Variants in FSTL5 observed in about 807,000 individuals in gnomAD.
FSTL5 encodes follistatin-related protein 5.
A neutral mutation model predicts 89.1 loss-of-function variants in FSTL5; 62 were observed. The observed-to-expected ratio is 0.70, with a 90% CI of 0.57 to 0.86. The LOEUF (loss-of-function observed/expected upper bound fraction) is 0.86. FSTL5 is among the 40% of genes least tolerant of loss of function. The pLI is 0.00. For synonymous variants in FSTL5, 383 were observed against 346.2 expected, an observed-to-expected ratio of 1.11 and a Z score of -1.18; for missense variants, 1,057 against 1,001.6, an observed-to-expected ratio of 1.06 and a Z score of -0.75.
chr4:161,682,270 T>A (rs1304077704), intron 6 of FSTL5, among the ~76,000 whole-genome samples: 4 of 152,160 alleles, frequency 2.6e-5, no homozygotes, highest in Non-Finnish European at 5.9e-5. Context: ...TACCATAGAT[T>A]TTATAACCGC....
chr4:162,082,679 C>T (rs1010270190), intron 2 of FSTL5, among the ~76,000 whole-genome samples: 1 of 151,338 alleles, frequency 6.6e-6, no homozygotes, highest in Non-Finnish European at 1.5e-5. Flanking sequence ...CATTTATAAC[C>T]TCTAAATATC....
chr4:161,732,340 G>C (rs2126763303), intron 6 of FSTL5, among the ~76,000 whole-genome samples: 1 of 151,994 alleles, frequency 6.6e-6, no homozygotes, highest in Non-Finnish European at 1.5e-5. Flanking sequence ...CTAAAATGAA[G>C]TGTTTTTGTT....
intron 10 of FSTL5, among the ~76,000 whole-genome samples, chr4:161,531,442 A>AAC (rs1731408445): frequency 6.6e-6 from 1 of 152,138 alleles, no homozygotes; most frequent in Non-Finnish European, 1.5e-5. Context: ...ATTTACCCCC[A>AAC]AAGTTACAAA....
rs552414627 is a variant in FSTL5, at chr4:161,878,191, T to C, written c.409+42213A>G. 3.9e-5 allele frequency among the ~76,000 whole-genome samples: 6 copies of C among 152,132 alleles called. No individual in the cohort carries two copies. In the South Asian group the frequency reaches 1.0e-3, roughly 26 times the overall value. On this transcript the variant is annotated intron_variant, in intron 4 of 15. Transcript: ENST00000306100. ...ATTATTTGAATATTAACCATTTAAATGAGAAGTGCTATACTTCCTAAATTG... is the reference window on the plus strand; with the variant it reads ...ATTATTTGAATATTAACCATTTAAACGAGAAGTGCTATACTTCCTAAATTG...
intron 4 of FSTL5, among the ~76,000 whole-genome samples, chr4:161,914,777 C>T (rs558878782): frequency 6.6e-6 from 1 of 152,170 alleles, no homozygotes; most frequent in African/African-American, 2.4e-5. Context: ...TTCACAGACT[C>T]AAGTCTGAAA....
At chr4:161,742,916 G>A (rs950019880) in intron 6 of FSTL5, among the ~76,000 whole-genome samples, 12 of 151,634 alleles carry the variant, frequency 7.9e-5, no homozygotes, top group Admixed American at 3.3e-4. Flanking sequence ...GCAGATATTC[G>A]TATATCTTTG....
At chr4:162,160,148 G>A (rs968111375) in intron 1 of FSTL5, among the ~76,000 whole-genome samples, 8 of 121,428 alleles carry the variant, frequency 6.6e-5, no homozygotes, top group Non-Finnish European at 9.1e-5. Flanking sequence ...TCATACACAC[G>A]TATATACATT....
rs77101651 is a variant in FSTL5 at position 161,943,538 on chromosome 4, C to CTTTTTTT, written c.161-22893_161-22887dup. ...GACTTTTACATCAGAACCACTGTAT[C>CTTTTTTT]TTTTTTTTTTTTTTTTTTTTTTTTT... On this transcript the variant is annotated intron_variant, in intron 3 of 15. Transcript: ENST00000306100. 3.5e-4 allele frequency among the ~76,000 whole-genome samples: 12 copies of CTTTTTTT among 34,366 alleles called. 5 individuals carry two copies. The highest frequency in any genetic ancestry group is 1.4e-3 in the East Asian group (2 of 1,466). The allele number at this position is 34,366 out of a possible 152,430, so 22.5% of individuals were successfully genotyped here. A position where few individuals can be genotyped will look rare whatever the true frequency, so the allele number is the denominator to read the frequency against.
chr4:161,619,733 T>C (rs897434404), intron 7 of FSTL5, among the ~76,000 whole-genome samples: 12 of 152,108 alleles, frequency 7.9e-5, no homozygotes, highest in Non-Finnish European at 1.8e-4. Flanking sequence ...ACTTTTACAC[T>C]GTTGGTGGGA....
At chr4:161,674,443 C>A (rs940327306) in intron 6 of FSTL5, among the ~76,000 whole-genome samples, 4 of 152,124 alleles carry the variant, frequency 2.6e-5, no homozygotes, top group African/African-American at 9.6e-5. Context: ...CTCATTGCTG[C>A]CCTGGTCTTT....
intron 12 of FSTL5, among the ~76,000 whole-genome samples, chr4:161,482,973 T>C (rs1729568805): frequency 6.6e-6 from 1 of 152,178 alleles, no homozygotes; most frequent in Admixed American, 6.5e-5. Flanking sequence ...AGATGTATGG[T>C]GTTTCAGGTA....
intron 1 of FSTL5, among the ~76,000 whole-genome samples, chr4:162,146,667 TC>T (rs1732999341): frequency 1.2e-4 from 1 of 8,560 alleles, no homozygotes; most frequent in Non-Finnish European, 3.5e-4. Flanking sequence ...TAATGTCCCT[TC>T]CCTTCCCTTC....
intron 7 of FSTL5, among the ~76,000 whole-genome samples, chr4:161,605,348 C>T (rs1307538125): frequency 2.0e-5 from 3 of 152,086 alleles, no homozygotes; most frequent in African/African-American, 4.8e-5. Flanking sequence ...TTTATTTATA[C>T]TGTAATTGCA....
intron 3 of FSTL5, among the ~76,000 whole-genome samples, chr4:161,977,270 A>T (rs912998795): frequency 2.6e-5 from 4 of 152,150 alleles, no homozygotes; most frequent in African/African-American, 9.7e-5. Flanking sequence ...TTCAAAATTC[A>T]TTTAAATGGT....
rs372366020 is a variant in FSTL5 at position 161,858,926 on chromosome 4, GA to G, written c.409+61477del. On this transcript the variant is annotated intron_variant, in intron 4 of 15. Transcript: ENST00000306100. ...TGTGGGAATAGTCCAATATTGCTGG[GA>G]AAAAAAAATCTCATATAAGTCTTAA... Among the ~76,000 whole-genome samples the G allele has an allele frequency of 7.7e-3, 1,161 of 151,238 alleles. 18 individuals are homozygous for G. The highest frequency in any genetic ancestry group is 0.025 in the African/African-American group (1,043 of 41,280).
chr4:161,716,141 A>G (rs1738972514), intron 6 of FSTL5, among the ~76,000 whole-genome samples: 1 of 152,164 alleles, frequency 6.6e-6, no homozygotes, highest in Non-Finnish European at 1.5e-5. Flanking sequence ...CCTTGAATAC[A>G]GGAAATAGAC....
At chr4:161,544,661 G>T (rs892375197) in intron 8 of FSTL5, among the ~76,000 whole-genome samples, 1 of 151,902 alleles carries the variant, frequency 6.6e-6, no homozygotes. Context: ...GAAAGGAAAG[G>T]CAAAGGAGGC....
intron 3 of FSTL5, among the ~76,000 whole-genome samples, chr4:161,950,605 G>C (rs1246917849): frequency 6.6e-6 from 1 of 152,096 alleles, no homozygotes; most frequent in Non-Finnish European, 1.5e-5. Flanking sequence ...AGTTTACCTC[G>C]CATGAGTTCT....
chr4:161,908,827 T>C (rs552234571), intron 4 of FSTL5, among the ~76,000 whole-genome samples: 4 of 152,214 alleles, frequency 2.6e-5, no homozygotes, highest in Middle Eastern at 3.4e-3. Context: ...GCCTACAGAA[T>C]TAGTAATAAA....
Sources: gnomAD v4.1 joint callset for allele counts (sites outside exome capture counted in the v4.1 genomes callset) on GRCh38, gnomAD v4.1.1 for gene constraint, MANE v1.5 for transcripts, NCBI Gene and HGNC (gene_info 2026-07-23, HGNC 2026-07-21) for gene names.